Variants in MYO3A observed in about 807,000 individuals in gnomAD.
MYO3A encodes myosin IIIA.
Under a neutral mutation model 192.7 loss-of-function variants are expected in MYO3A, and 180 were observed. That is an observed-to-expected ratio of 0.93 (90% CI 0.83 to 1.06). The LOEUF is 1.06. Ranked by LOEUF, MYO3A falls within the 50% of genes least tolerant of loss-of-function variation. The probability of loss-of-function intolerance (pLI) is 0.00; values close to 1 mark genes in which losing one functional copy is unlikely to be tolerated. For synonymous variants in MYO3A, 628 were observed against 645.3 expected, an observed-to-expected ratio of 0.97 and a Z score of 0.41; for missense variants, 1,896 against 1,905.0, an observed-to-expected ratio of 1.00 and a Z score of 0.09.
In MYO3A at chr10:26,066,121, CAAAAAAAAAAA is replaced by C. The variant is rs1331706742; in HGVS notation, c.954-841_954-831del. On this transcript the variant is annotated intron_variant, in intron 10 of 34. Transcript: ENST00000642920. ...TGGGCGACAGAGCGAAACTCCGTCT[CAAAAAAAAAAA>C]AAAAAAAAAAAAGAGCAGTGGGCTT... Among the ~76,000 whole-genome samples the C allele has an allele frequency of 1.5e-4, 3 of 19,378 alleles. 1 individual carries two copies. The highest frequency in any genetic ancestry group is 1.0e-3 in the East Asian group (1 of 968). 12.7% of individuals were successfully genotyped at this position (19,378 alleles called of 152,430 possible).
At chr10:26,070,088 A>G (rs1588896952) in intron 12 of MYO3A, 23 bp from the exon 13 acceptor site, 1 of 1,534,918 alleles carries the variant, frequency 6.5e-7, no homozygotes, top group East Asian at 2.3e-5. Flanking sequence ...AGCCCTACAA[A>G]ATGTATTCTT....
intron 21 of MYO3A, among the ~76,000 whole-genome samples, chr10:26,144,495 C>A (rs1377785571): frequency 2.0e-5 from 3 of 151,594 alleles, no homozygotes; most frequent in African/African-American, 7.3e-5. Context: ...TGGGGAAAAT[C>A]ATTTCATAGC....
chr10:26,100,081 A>G (rs11498424), intron 17 of MYO3A, among the ~76,000 whole-genome samples: 45,479 of 152,066 alleles, frequency 0.3, 7,216 homozygotes, highest in Middle Eastern at 0.44. Context: ...TATTGCCTCA[A>G]TTTCAAAGCC....
At chr10:26,125,111 C>T (rs1294438568) in intron 18 of MYO3A, among the ~76,000 whole-genome samples, 1 of 152,078 alleles carries the variant, frequency 6.6e-6, no homozygotes, top group Non-Finnish European at 1.5e-5. Flanking sequence ...TATTTGACAT[C>T]ACATAAACAA....
At chr10:26,177,529 T>C (rs2132058684) in intron 31 of MYO3A, among the ~76,000 whole-genome samples, 1 of 152,290 alleles carries the variant, frequency 6.6e-6, no homozygotes, top group Non-Finnish European at 1.5e-5. Flanking sequence ...GCACCTAGAC[T>C]GTGGAGGTCT....
chr10:26,093,618 A>G (rs1836836303), intron 15 of MYO3A, among the ~76,000 whole-genome samples: 1 of 152,152 alleles, frequency 6.6e-6, no homozygotes. Context: ...AGATTTATCC[A>G]TCCAGTCTCA....
At chr10:25,980,570 A>G (rs1839268278) in intron 4 of MYO3A, among the ~76,000 whole-genome samples, 2 of 152,160 alleles carry the variant, frequency 1.3e-5, no homozygotes, top group African/African-American at 4.8e-5. Flanking sequence ...ATTGGATATA[A>G]AATTCAGTCA....
rs149372456 is a variant in MYO3A at position 26,074,281 on chromosome 10, T to G, written c.1359+3880T>G. Among the ~76,000 whole-genome samples the G allele has an allele frequency of 4.3e-3, 653 of 152,232 alleles. 4 individuals carry two copies. Among genetic ancestry groups the G allele is most frequent in the African/African-American group, 0.015 (624 of 41,546 alleles). Reference sequence around the variant, plus strand: ...TGCATAGTTCAAAACAACTACTTAATTGAATTTAATTCACTTTTTTCCTTA... The same window carrying G: ...TGCATAGTTCAAAACAACTACTTAAGTGAATTTAATTCACTTTTTTCCTTA... On this transcript the variant is annotated intron_variant, in intron 14 of 34. Coordinates refer to ENST00000642920, the MANE Select transcript of MYO3A (RefSeq NM_017433.5).
intron 26 of MYO3A, among the ~76,000 whole-genome samples, chr10:26,159,426 C>A (rs1841366030): frequency 6.9e-6 from 1 of 145,522 alleles, no homozygotes; most frequent in Non-Finnish European, 1.5e-5. Context: ...GTGGCGCAAT[C>A]TTGGCTCACT....
intron 2 of MYO3A, among the ~76,000 whole-genome samples, chr10:25,936,828 A>G (rs755491540): frequency 6.6e-6 from 1 of 152,142 alleles, no homozygotes; most frequent in Non-Finnish European, 1.5e-5. Flanking sequence ...TCTCCTGATA[A>G]TTAAGTGACA....
In MYO3A at chr10:26,176,818, C is replaced by T. The variant is rs1260537975; in HGVS notation, c.4411C>T (p.Arg1471Ter). 3 of 1,614,072 alleles carry T rather than the reference C, an allele frequency of 1.9e-6. No homozygotes were observed. The highest frequency in any genetic ancestry group is 1.7e-5 in the Admixed American group (1 of 60,022). ...CTCGCACCATAAGCCAATTAATAGA[C>T]GAGTTTCTTCTCAGCAGTGCCTCTC... is the stretch of plus-strand genomic sequence containing the variant. ...GVSHHKPINRRVSSQQCLSGV... is the reference protein window; with the variant it reads ...GVSHHKPINR Residue 1471 changes from arginine (R) to a stop codon, truncating the protein, a stop_gained, in exon 31 of 35, where the codon CGA becomes TGA. Transcript: ENST00000642920. LOFTEE classifies it high-confidence loss of function.
intron 10 of MYO3A, among the ~76,000 whole-genome samples, chr10:26,045,665 A>C (rs994214702): frequency 1.3e-5 from 2 of 151,574 alleles, no homozygotes; most frequent in African/African-American, 2.4e-5. Context: ...ACAGAATCTC[A>C]TTTTCTGACC....
intron 17 of MYO3A, among the ~76,000 whole-genome samples, chr10:26,113,818 G>C (rs975332716): frequency 6.6e-6 from 1 of 152,130 alleles, no homozygotes; most frequent in African/African-American, 2.4e-5. Flanking sequence ...GTAAAAGGAG[G>C]GGAAAGGGAT....
chr10:26,049,724 G>A (rs1273630461), intron 10 of MYO3A, among the ~76,000 whole-genome samples: 2 of 134,874 alleles, frequency 1.5e-5, no homozygotes, highest in Non-Finnish European at 3.0e-5. Flanking sequence ...TGTTACCCAG[G>A]CTGGAGTGCA....
chr10:26,011,449 A>AG (rs1421397364), intron 6 of MYO3A, among the ~76,000 whole-genome samples: 1 of 148,984 alleles, frequency 6.7e-6, no homozygotes, highest in African/African-American at 2.6e-5. Flanking sequence ...AGTTTAAAAA[A>AG]AAAGAAAATT....
intron 4 of MYO3A, among the ~76,000 whole-genome samples, chr10:25,965,160 TTC>T (rs1179663131): frequency 6.6e-6 from 1 of 152,208 alleles, no homozygotes; most frequent in Non-Finnish European, 1.5e-5. Flanking sequence ...GTTTAGGAAA[TTC>T]TCTGTTACTA....
chr10:26,154,828 G>T lies in MYO3A; in HGVS notation c.2793+5G>T, dbSNP rs1315658064. 2 of 1,607,000 alleles carry T rather than the reference G, an allele frequency of 1.2e-6. No individual in the cohort carries two copies. Among genetic ancestry groups the T allele is most frequent in the Admixed American group, 3.3e-5 (2 of 59,712 alleles). ...ACGGTTGCATCATATTTTAGAGTAA[G>T]ATATTAAACTATGATGTATTGTGCT... is the stretch of plus-strand genomic sequence containing the variant. On this transcript the variant is annotated splice_donor_5th_base_variant and intron_variant, in intron 25 of 34. Coordinates refer to ENST00000642920, the MANE Select transcript of MYO3A (RefSeq NM_017433.5).
intron 4 of MYO3A, among the ~76,000 whole-genome samples, chr10:25,963,856 C>T (rs1241970620): frequency 2.0e-5 from 3 of 151,450 alleles, no homozygotes; most frequent in Non-Finnish European, 4.4e-5. Flanking sequence ...GAAATTTATA[C>T]ATAATATATA....
At chr10:26,091,589 C>T (rs551734839) in intron 15 of MYO3A, among the ~76,000 whole-genome samples, 1 of 152,278 alleles carries the variant, frequency 6.6e-6, no homozygotes, top group African/African-American at 2.4e-5. Context: ...AAATAAGTGG[C>T]TGACATGGTC....
Sources: allele counts gnomAD v4.1 joint callset (sites outside exome capture counted in the v4.1 genomes callset), GRCh38; gene constraint gnomAD v4.1.1; transcripts MANE v1.5; gene names NCBI Gene and HGNC (gene_info 2026-07-23, HGNC 2026-07-21).